Variants in SMURF1 observed in about 807,000 individuals in gnomAD.
SMURF1 encodes the protein E3 ubiquitin-protein ligase SMURF1.
A neutral mutation model predicts 98.0 loss-of-function variants in SMURF1; 44 were observed. The ratio of observed to expected loss-of-function variants is 0.45; its 90% CI spans 0.35 to 0.58. The LOEUF (loss-of-function observed/expected upper bound fraction) is 0.58. Among genes scored for constraint, SMURF1 ranks in the 20% least tolerant of loss-of-function variants. The pLI, the probability that SMURF1 is intolerant of heterozygous loss-of-function variation, is 0.00. For missense variants in SMURF1, 687 were observed against 938.4 expected (o/e 0.73, Z 3.50); for synonymous variants, 396 against 374.9 (o/e 1.06, Z -0.65).
chr7:99,076,528 A>G (rs1295243587), intron 1 of SMURF1, among the ~76,000 whole-genome samples: 1 of 152,244 alleles, frequency 6.6e-6, no homozygotes, highest in Non-Finnish European at 1.5e-5. Flanking sequence ...AAAGCTGTCA[A>G]GATCATCAAA....
chr7:99,142,547 G>T (rs1382910519), intron 1 of SMURF1, among the ~76,000 whole-genome samples: 1 of 148,732 alleles, frequency 6.7e-6, no homozygotes, highest in African/African-American at 2.5e-5. Context: ...GGCCTCGCCA[G>T]ACAGCAGCGA....
At position 99,095,205 on chromosome 7, in the gene SMURF1, G is replaced by A. The variant is rs189146818; in HGVS notation, c.56-33368C>T. On this transcript the variant is annotated intron_variant, in intron 1 of 17. Coordinates refer to ENST00000361368, the MANE Select transcript of SMURF1 (RefSeq NM_181349.3). ...AGAGATTCTCTTGCCTCAGCCTCCC[G>A]AGTAGCTGGGATTACAGGCATGCGC... 6.1e-4 allele frequency among the ~76,000 whole-genome samples: 93 copies of A among 152,042 alleles called. 1 individual carries two copies. The highest frequency in any genetic ancestry group is 2.6e-4 in the Admixed American group (4 of 15,276).
At chr7:99,111,612 G>T (rs1797324968) in intron 1 of SMURF1, among the ~76,000 whole-genome samples, 1 of 152,082 alleles carries the variant, frequency 6.6e-6, no homozygotes, top group Non-Finnish European at 1.5e-5. Flanking sequence ...AGAACACTGG[G>T]AAATAATCAA....
chr7:99,128,559 C>G (rs1188716260), intron 1 of SMURF1, among the ~76,000 whole-genome samples: 1 of 152,198 alleles, frequency 6.6e-6, no homozygotes, highest in Non-Finnish European at 1.5e-5. Flanking sequence ...TTTTACTCTA[C>G]AAGTTGGTCC....
rs200012126 is a variant in SMURF1, at chr7:99,037,091, C to T, written c.1785G>A (p.Lys595=). 79 of 1,614,048 alleles carry T rather than the reference C, an allele frequency of 4.9e-5. No individual in the cohort carries two copies. In the Middle Eastern group the frequency reaches 1.3e-3, roughly 28 times the overall value. The change falls in exon 15 of 18, where the codon AAG becomes AAA. Residue 595 remains lysine (K), a synonymous_variant. Coordinates refer to ENST00000361368, the MANE Select transcript of SMURF1 (RefSeq NM_181349.3). ...CCTCCAGTTCCTTCTGGTCAAAAGGCTTCAGCAGATGTTGAGGGATGAGCT... is the reference window on the plus strand; with the variant it reads ...CCTCCAGTTCCTTCTGGTCAAAAGGTTTCAGCAGATGTTGAGGGATGAGCT... ...FNELIPQHLL[K]PFDQKELELI...
chr7:99,106,644 G>A (rs1402372638), intron 1 of SMURF1, among the ~76,000 whole-genome samples: 2 of 152,234 alleles, frequency 1.3e-5, no homozygotes, highest in Non-Finnish European at 2.9e-5. Context: ...GCCGGGAGCA[G>A]TGGTGTATGC....
chr7:99,064,198 A>G (rs1796134989), intron 1 of SMURF1, among the ~76,000 whole-genome samples: 1 of 152,186 alleles, frequency 6.6e-6, no homozygotes, highest in Admixed American at 6.5e-5. Context: ...TTTCACATCT[A>G]TATTCATAAG....
At chr7:99,127,284 A>G (rs1434984763) in intron 1 of SMURF1, among the ~76,000 whole-genome samples, 1 of 152,222 alleles carries the variant, frequency 6.6e-6, no homozygotes, top group Non-Finnish European at 1.5e-5. Context: ...AAAAGCAAGT[A>G]TACAACAATG....
In SMURF1 at chr7:99,029,883, T is replaced by G. The variant is rs1794819007; in HGVS notation, c.*701A>C. 2 of 152,206 alleles carry G rather than the reference T, an allele frequency of 1.3e-5. No homozygotes were observed. Among genetic ancestry groups the G allele is most frequent in the Non-Finnish European group, 1.5e-5 (1 of 68,040 alleles). The allele number at this position is 152,206 out of a possible 1,614,324, so 9.4% of individuals were successfully genotyped here. On this transcript the variant is annotated 3_prime_UTR_variant, in exon 18 of 18. Transcript: ENST00000361368. ...AAAAGGGACCCTTAAAAGATCGTTTTTCTCTATGTAAAACAAAATTTTCAG... is the reference window on the plus strand; with the variant it reads ...AAAAGGGACCCTTAAAAGATCGTTTGTCTCTATGTAAAACAAAATTTTCAG...
intron 1 of SMURF1, among the ~76,000 whole-genome samples, chr7:99,086,870 A>G (rs924221455): frequency 3.9e-5 from 6 of 152,240 alleles, no homozygotes; most frequent in African/African-American, 1.2e-4. Flanking sequence ...ACAAATCTAT[A>G]TATAAAGAAA....
In SMURF1 at chr7:99,052,239, G is replaced by A. The variant is rs145773011; in HGVS notation, c.687C>T (p.His229=). The part of the protein sequence containing the change: ...GSLQTPQNRP[H]GHQSPELPEG... The stretch of plus-strand genomic sequence containing the variant: ...CGGGCAGTTCCGGGGACTGGTGGCC[G>A]TGTGGTCGGTTCTGGGGCGTCTGTA... The change falls in exon 7 of 18, where the codon CAC becomes CAT. Residue 229 remains histidine (H), a synonymous_variant. Transcript: ENST00000361368. 1,253 of 1,589,444 alleles carry A rather than the reference G, an allele frequency of 7.9e-4. 4 individuals are homozygous for A. In the African/African-American group the frequency reaches 8.3e-3, roughly 11 times the overall value.
At chr7:99,055,681 G>A (rs777475075) in intron 5 of SMURF1, among the ~76,000 whole-genome samples, 5 of 151,564 alleles carry the variant, frequency 3.3e-5, no homozygotes, top group Non-Finnish European at 7.4e-5. Flanking sequence ...AAGACACAGA[G>A]AGGCCGGGCA....
chr7:99,074,706 A>C (rs1382839769), intron 1 of SMURF1, among the ~76,000 whole-genome samples: 1 of 151,674 alleles, frequency 6.6e-6, no homozygotes, highest in African/African-American at 2.4e-5. Context: ...TCTACAACTC[A>C]ATTTAAAAAA....
intron 4 of SMURF1, 33 bp downstream of exon 4, chr7:99,057,385 G>GC (rs1563009166): frequency 6.2e-7 from 1 of 1,611,840 alleles, no homozygotes; most frequent in South Asian, 1.1e-5. Flanking sequence ...TTCTTTGGTT[G>GC]CATTAAGAGG....
intron 1 of SMURF1, among the ~76,000 whole-genome samples, chr7:99,074,363 G>A (rs1796403877): frequency 6.6e-6 from 1 of 152,114 alleles, no homozygotes; most frequent in African/African-American, 2.4e-5. Context: ...AGAATAGAAA[G>A]TCCAAATATA....
chr7:99,106,370 T>C (rs894959565), intron 1 of SMURF1, among the ~76,000 whole-genome samples: 2 of 152,120 alleles, frequency 1.3e-5, no homozygotes, highest in Non-Finnish European at 2.9e-5. Flanking sequence ...TAAAAACCTA[T>C]CATTAAGATA....
rs1016139718 is a variant in SMURF1, at chr7:99,111,073, G to A, written c.55+32653C>T. 2.6e-5 allele frequency among the ~76,000 whole-genome samples: 4 copies of A among 152,244 alleles called. No homozygotes were observed. In the South Asian group the frequency reaches 8.3e-4, roughly 32 times the overall value. ...CAACTGCAGGTGCAAGACTTACTGA[G>A]TACTCCTTTTTATAGCACTTTGATT... On this transcript the variant is annotated intron_variant, in intron 1 of 17. Transcript: ENST00000361368.
At chr7:99,096,504 A>G (rs1796958944) in intron 1 of SMURF1, among the ~76,000 whole-genome samples, 2 of 152,378 alleles carry the variant, frequency 1.3e-5, no homozygotes, top group South Asian at 4.1e-4. Flanking sequence ...AACACTAATC[A>G]TAAGAAAGCC....
chr7:99,046,372 A>T (rs1009396636), intron 10 of SMURF1, among the ~76,000 whole-genome samples: 5 of 152,182 alleles, frequency 3.3e-5, no homozygotes, highest in African/African-American at 1.2e-4. Flanking sequence ...GTGTTTATAG[A>T]TGTAGATTCA....
Sources: allele counts gnomAD v4.1 joint callset (sites outside exome capture counted in the v4.1 genomes callset), GRCh38; gene constraint gnomAD v4.1.1; transcripts MANE v1.5; gene names NCBI Gene and HGNC (gene_info 2026-07-23, HGNC 2026-07-21).